NOP2: variants seen among roughly 807,000 people sequenced by gnomAD.
NOP2 encodes the protein 28S rRNA (cytosine(4447)-C(5))-methyltransferase.
A neutral mutation model predicts 72.7 loss-of-function variants in NOP2; 7 were observed. That is an observed-to-expected ratio of 0.10 (90% CI 0.05 to 0.18). The LOEUF is 0.18. Among genes scored for constraint, NOP2 ranks in the 10% least tolerant of loss-of-function variants. The pLI is 1.00. For missense variants in NOP2, 954 were observed against 1,014.7 expected (o/e 0.94, Z 0.81); for synonymous variants, 387 against 388.0 (o/e 1.00, Z 0.03).
rs1565586783 is a variant in NOP2, at chr12:6,560,039, G to C, written c.1789+59C>G. The C allele has an allele frequency of 8.8e-6, 11 of 1,249,734 alleles. No individual in the cohort carries two copies. Among genetic ancestry groups the C allele is most frequent in the African/African-American group, 1.5e-5 (1 of 67,468 alleles). The allele number at this position is 1,249,734 out of a possible 1,614,324, so 77.4% of individuals were successfully genotyped here. On this transcript the variant is annotated intron_variant, in intron 15 of 15. Transcript: ENST00000322166. The surrounding 1 kb of genome is among the most constrained non-coding windows in gnomAD (Gnocchi z 5.0). ...TCCCTTCCTCTTGTCACACCATAAAGCCTCCTGAAAGGTGGAAAGAGCAAA... is the reference window on the plus strand; with the variant it reads ...TCCCTTCCTCTTGTCACACCATAAACCCTCCTGAAAGGTGGAAAGAGCAAA...
At position 6,563,517 on chromosome 12, in the gene NOP2, G is replaced by A. The variant is rs747914053; in HGVS notation, c.689-3C>T. ...TTGCAGGTCTGGAGCCTGGGCATGT[G>A]GGCCTGTTAAGGAACTGTGTCATGA... On this transcript the variant is annotated splice_region_variant and splice_polypyrimidine_tract_variant and intron_variant, in intron 7 of 15. Transcript: ENST00000322166. 6.2e-7 allele frequency: 1 copy of A among 1,612,566 alleles called. No individual in the cohort carries two copies. Among genetic ancestry groups the A allele is most frequent in the South Asian group, 1.1e-5 (1 of 90,776 alleles).
chr12:6,557,930 G>A (rs1947538929), intron 15 of NOP2: 1 of 407,478 alleles, frequency 2.5e-6, no homozygotes, highest in Non-Finnish European at 4.5e-6. Context: ...ATTGCTTGAG[G>A]CCAGGAGTTC....
rs1193608357 is a variant in NOP2, at chr12:6,561,801, G to A, written c.1070C>T (p.Ala357Val). The A allele has an allele frequency of 1.2e-6, 2 of 1,609,694 alleles. No individual in the cohort carries two copies. Among genetic ancestry groups the A allele is most frequent in the Non-Finnish European group, 1.7e-6 (2 of 1,178,006 alleles). ...GTGCCCAGCCAGGTACTCGGGGGTAGCACCTGTGGAGAAGGACCACCCTGT... is the reference window on the plus strand; with the variant it reads ...GTGCCCAGCCAGGTACTCGGGGGTAACACCTGTGGAGAAGGACCACCCTGT... ...VVYDSSVPIG[A>V]TPEYLAGHYM... Residue 357 changes from alanine to valine, a missense_variant, in exon 11 of 16, where the codon GCT (alanine) becomes GTT (valine). Around this residue, in one of 3 missense-constraint regions of NOP2, gnomAD observed 498 missense variants for 478.3 expected, o/e 1.04. Coordinates refer to ENST00000322166, the MANE Select transcript of NOP2 (RefSeq NM_001258308.2).
chr12:6,557,552 T>C lies in NOP2; in HGVS notation c.1880A>G (p.Lys627Arg), dbSNP rs200015157. The C allele has an allele frequency of 2.3e-4, 366 of 1,613,970 alleles. 1 individual carries two copies. The Middle Eastern group carries it at 7.8e-3, about 34-fold the overall frequency. The stretch of plus-strand genomic sequence containing the variant: ...CTGCTGCTTTGTCTTTGCAGCCCCC[T>C]TGGCTTTCTTGGCTGGCTGGCTGCT... ...ENSSQPAKKA[K>R]GAAKTKQQLQ... is the part of the protein sequence containing the mutation. Residue 627 changes from lysine to arginine, a missense_variant, in exon 16 of 16, where the codon AAG becomes AGG. Transcript: ENST00000322166.
chr12:6,559,779 C>T lies in NOP2; in HGVS notation c.1789+319G>A, dbSNP rs922091889. Among the ~76,000 whole-genome samples the T allele has an allele frequency of 3.9e-5, 6 of 152,238 alleles. No homozygotes were observed. The East Asian group carries it at 9.6e-4, about 24-fold the overall frequency. On this transcript the variant is annotated intron_variant, in intron 15 of 15. Coordinates refer to ENST00000322166, the MANE Select transcript of NOP2 (RefSeq NM_001258308.2). Reference sequence around the variant, plus strand: ...TGCTGGACCAGCAGAGGTCCAGTACCAGTAAGTCCACCCTGTGCCAAGAAG... The same window carrying T: ...TGCTGGACCAGCAGAGGTCCAGTACTAGTAAGTCCACCCTGTGCCAAGAAG...
chr12:6,568,003 G>A, intron 1 of NOP2, 81 bp from the exon 2 acceptor site: 1 of 1,097,564 alleles, frequency 9.1e-7, no homozygotes, highest in South Asian at 1.3e-5. Context: ...GTATTATAGT[G>A]GGAAAGGGCA....
intron 15 of NOP2, chr12:6,557,887 A>G (rs1213924176): frequency 2.0e-5 from 10 of 488,352 alleles, no homozygotes; most frequent in Admixed American, 7.4e-5. Context: ...TCACACCTGT[A>G]ATTCCAGCAC....
rs572454621 is a variant in NOP2, at chr12:6,566,596, G to A, written c.171C>T (p.Gly57=). 2.5e-6 allele frequency: 4 copies of A among 1,613,908 alleles called. No homozygotes were observed. Among genetic ancestry groups the A allele is most frequent in the Non-Finnish European group, 3.4e-6 (4 of 1,179,854 alleles). ...ARKRAAKRRL[G]SVEAPKTNKS... ...TATTTGTCTTAGGGGCTTCAACAGAGCCCAATCTCCTCTTGGCTGCCCTGA... is the reference window on the plus strand; with the variant it reads ...TATTTGTCTTAGGGGCTTCAACAGAACCCAATCTCCTCTTGGCTGCCCTGA... Residue 57 remains glycine, a synonymous_variant, in exon 4 of 16, where the codon GGC becomes GGT. Coordinates refer to ENST00000322166, the MANE Select transcript of NOP2 (RefSeq NM_001258308.2).
Position 6,560,224 on chromosome 12 carries a change from G to C in NOP2, c.1663C>G (p.Arg555Gly), listed in dbSNP as rs1947609200. ...DFGQEGFTRF[R>G]ERRFHPSLRS... ...AGACTGGGGTGGAAGCGCCTTTCTCGAAAGCGGGTAAAACCTTCCTGGCCA... is the reference window on the plus strand; with the variant it reads ...AGACTGGGGTGGAAGCGCCTTTCTCCAAAGCGGGTAAAACCTTCCTGGCCA... The change falls in exon 15 of 16, where the codon CGA (arginine) becomes GGA (glycine). Residue 555 changes from arginine to glycine, a missense_variant. Coordinates refer to ENST00000322166, the MANE Select transcript of NOP2 (RefSeq NM_001258308.2). This position sits in a 1 kb window ranked among gnomAD's most constrained non-coding sequence, Gnocchi z 5.0. The C allele has an allele frequency of 1.2e-6, 2 of 1,614,010 alleles. No individual in the cohort carries two copies. The highest frequency in any genetic ancestry group is 1.1e-5 in the South Asian group (1 of 91,082).
chr12:6,560,362 A>G lies in NOP2; in HGVS notation c.1561-36T>C. 2.5e-6 allele frequency: 4 copies of G among 1,609,102 alleles called. No individual in the cohort carries two copies. The highest frequency in any genetic ancestry group is 2.6e-6 in the Non-Finnish European group (3 of 1,176,046). ...GGGGAAGACAAAGAACGGAGGAAAA[A>G]GCAGAGCTGGAGCTGAAGGGAGCTC... is the stretch of plus-strand genomic sequence containing the variant. On this transcript the variant is annotated intron_variant, in intron 14 of 15. Coordinates refer to ENST00000322166, the MANE Select transcript of NOP2 (RefSeq NM_001258308.2). This position sits in a 1 kb window ranked among gnomAD's most constrained non-coding sequence, Gnocchi z 5.0.
rs375932299 is a variant in NOP2, at chr12:6,566,525, G to A, written c.238+4C>T. On this transcript the variant is annotated splice_donor_region_variant and intron_variant, in intron 4 of 15. Transcript: ENST00000322166. ...TGTAGCATCCAGCTCTTAGTTTCAC[G>A]GACCTTTTGGTAGCTTTCCAGGCAA... 30 of 1,613,442 alleles carry A rather than the reference G, an allele frequency of 1.9e-5. No homozygotes were observed. The highest frequency in any genetic ancestry group is 1.6e-4 in the Middle Eastern group (1 of 6,080).
chr12:6,560,613 G>A lies in NOP2; in HGVS notation c.1438-44C>T, dbSNP rs1294779611. ...CAAAGGCAGCCTCAGGAGGAGAGGG[G>A]AGCCCAGAGGGTGTCCCCATCTCAG... On this transcript the variant is annotated intron_variant, in intron 13 of 15. Transcript: ENST00000322166. This position sits in a 1 kb window ranked among gnomAD's most constrained non-coding sequence, Gnocchi z 5.0. 3.1e-6 allele frequency: 5 copies of A among 1,604,334 alleles called. No homozygotes were observed. The African/African-American group carries it at 4.0e-5, about 13-fold the overall frequency.
intron 9 of NOP2, 50 bp downstream of exon 9, chr12:6,563,031 A>G (rs1255575734): frequency 6.6e-7 from 1 of 1,518,376 alleles, no homozygotes; most frequent in Non-Finnish European, 9.0e-7. Flanking sequence ...TGGAGTTGGC[A>G]GAAGTCACTT....
At chr12:6,566,969 T>A in intron 2 of NOP2, 147 bp from the exon 3 acceptor site, 1 of 687,880 alleles carries the variant, frequency 1.5e-6, no homozygotes, top group Non-Finnish European at 2.4e-6. Context: ...AATAACTGTA[T>A]ACAAGTTTCT....
At chr12:6,566,756 A>T (rs768675599) in intron 3 of NOP2, 21 bp downstream of exon 3, 12 of 1,612,282 alleles carry the variant, frequency 7.4e-6, no homozygotes, top group Non-Finnish European at 1.0e-5. Context: ...AACCTACTTA[A>T]GTTTTGACAC....
intron 15 of NOP2, chr12:6,558,219 G>A: frequency 3.0e-6 from 1 of 334,908 alleles, no homozygotes; most frequent in Non-Finnish European, 5.7e-6. Flanking sequence ...GCCCTCTTGA[G>A]GACAGGAAGT....
Position 6,557,514 on chromosome 12 carries a change from G to A in NOP2, c.1918C>T (p.Gln640Ter), listed in dbSNP as rs1947521726. Reference sequence around the variant, plus strand: ...TGGAAGGAGGCCTTCTTGGGATGTTGCTGTTTCTGCAGCTGCTGCTTTGTC... The same window carrying A: ...TGGAAGGAGGCCTTCTTGGGATGTTACTGTTTCTGCAGCTGCTGCTTTGTC... ...AKTKQQLQKQ[Q>*]HPKKASFQKL... Residue 640 changes from glutamine to a stop codon, truncating the protein, a stop_gained, in exon 16 of 16, where the codon CAA becomes TAA. Transcript: ENST00000322166. LOFTEE classifies it low-confidence loss of function (END_TRUNC). The A allele has an allele frequency of 6.2e-7, 1 of 1,613,906 alleles. No homozygotes were observed. Among genetic ancestry groups the A allele is most frequent in the Non-Finnish European group, 8.5e-7 (1 of 1,179,868 alleles).
intron 1 of NOP2, 130 bp from the exon 2 acceptor site, chr12:6,568,052 C>A (rs2136182312): frequency 1.5e-6 from 1 of 652,922 alleles, no homozygotes; most frequent in African/African-American, 1.8e-5. Context: ...TCAGCACTCC[C>A]GACTCAGCAC....
intron 15 of NOP2, chr12:6,558,272 G>GTTT: frequency 4.0e-6 from 1 of 251,178 alleles, no homozygotes; most frequent in Non-Finnish European, 7.9e-6. Context: ...GGGTTTTGGG[G>GTTT]TTTTTTTTTT....
Sources: gnomAD v4.1 joint callset for allele counts (sites outside exome capture counted in the v4.1 genomes callset) on GRCh38, gnomAD v4.1.1 for gene constraint, gnomAD v4.1.1 regional missense constraint, Gnocchi (gnomAD v3.1) non-coding constraint, MANE v1.5 for transcripts, NCBI Gene and HGNC (gene_info 2026-07-23, HGNC 2026-07-21) for gene names.